Variants in ADPRM observed in about 807,000 individuals in gnomAD.
ADPRM encodes the protein ADP-ribose/CDP-alcohol diphosphatase, manganese dependent.
Under a neutral mutation model 27.2 loss-of-function variants are expected in ADPRM, and 17 were observed. The observed-to-expected ratio is 0.63, with a 90% CI of 0.43 to 0.94. The LOEUF (loss-of-function observed/expected upper bound fraction) is 0.94, where lower values mean the gene tolerates loss of function less well. Among genes scored for constraint, ADPRM ranks in the 40% least tolerant of loss-of-function variants. ADPRM has a pLI of 0.00. For synonymous variants in ADPRM, 135 were observed against 145.3 expected, an observed-to-expected ratio of 0.93 and a Z score of 0.51; for missense variants, 337 against 412.8, an observed-to-expected ratio of 0.82 and a Z score of 1.59.
chr17:10,707,309 G>A (rs1368596812), intron 3 of ADPRM, among the ~76,000 whole-genome samples: 1 of 152,152 alleles, frequency 6.6e-6, no homozygotes, highest in East Asian at 1.9e-4. Flanking sequence ...GGGAGGTGGA[G>A]GTTGCAGTGA....
intron 3 of ADPRM, among the ~76,000 whole-genome samples, chr17:10,708,628 GC>G (rs955298541): frequency 5.3e-5 from 8 of 152,244 alleles, no homozygotes; most frequent in African/African-American, 1.4e-4. Context: ...AGAGATGAGT[GC>G]CCTTGGGTTG....
Position 10,710,871 on chromosome 17 carries a change from G to T in ADPRM, c.756G>T (p.Val252=). The T allele has an allele frequency of 6.2e-7, 1 of 1,614,172 alleles. No individual in the cohort carries two copies. The highest frequency in any genetic ancestry group is 8.5e-7 in the Non-Finnish European group (1 of 1,180,016). The change falls in exon 4 of 4, where the codon GTG becomes GTT. Residue 252 remains valine, a synonymous_variant. Transcript: ENST00000379774. ...TTTACCCGGACGCCTCTGACAATGT[G>T]TGCCTGGCCTGGAACTACAGAGATG... ...LPIYPDASDN[V]CLAWNYRDAL...
chr17:10,698,168 G>C (rs947927839), intron 1 of ADPRM: 27 of 152,464 alleles, frequency 1.8e-4, no homozygotes, highest in African/African-American at 6.5e-4. Context: ...AATTAATAAA[G>C]CATAGCAGTG....
chr17:10,708,591 A>C (rs2074830480), intron 3 of ADPRM, among the ~76,000 whole-genome samples: 1 of 152,176 alleles, frequency 6.6e-6, no homozygotes, highest in Admixed American at 6.5e-5. Context: ...CTAACACTGG[A>C]ATACCAGGTG....
chr17:10,697,940 C>T (rs1392432013), intron 1 of ADPRM: 1 of 180,068 alleles, frequency 5.6e-6, no homozygotes, highest in South Asian at 1.4e-4. Context: ...ATAACCCTAC[C>T]TTGTCTGGCC....
At chr17:10,710,204 C>G (rs2074841943) in intron 3 of ADPRM, among the ~76,000 whole-genome samples, 1 of 152,182 alleles carries the variant, frequency 6.6e-6, no homozygotes, top group Admixed American at 6.5e-5. Flanking sequence ...CGGGTTCAAG[C>G]AGTTCTTCTG....
chr17:10,698,501 G>A (rs1000906559), intron 1 of ADPRM: 6 of 152,084 alleles, frequency 3.9e-5, no homozygotes, highest in Non-Finnish European at 8.8e-5. Flanking sequence ...AAGGAAAATC[G>A]TCCTCTAATT....
In ADPRM at chr17:10,711,202, AAAAT is replaced by A; in HGVS notation, c.*62_*65del. The A allele has an allele frequency of 1.5e-6, 2 of 1,368,916 alleles. No homozygotes were observed. The highest frequency in any genetic ancestry group is 2.0e-6 in the Non-Finnish European group (2 of 1,005,532). 84.8% of individuals were successfully genotyped at this position (1,368,916 alleles called of 1,614,324 possible). A position where few individuals can be genotyped will look rare whatever the true frequency, so the allele number is the denominator to read the frequency against. The stretch of plus-strand genomic sequence containing the variant: ...TTTGTGTTTGTCCCTCCTAAACAAA[AAAAT>A]AAAAATCCTCTGTCTCATTGTTTAG... On this transcript the variant is annotated 3_prime_UTR_variant, in exon 4 of 4. Coordinates refer to ENST00000379774, the MANE Select transcript of ADPRM (RefSeq NM_020233.5).
At chr17:10,706,022 T>C in intron 2 of ADPRM, 1 of 191,060 alleles carries the variant, frequency 5.2e-6, no homozygotes, top group South Asian at 1.0e-4. Flanking sequence ...AGGAGGAGTC[T>C]CCCTTGGAAT....
intron 1 of ADPRM, 130 bp from the exon 2 acceptor site, chr17:10,704,780 G>T: frequency 1.4e-6 from 1 of 714,286 alleles, no homozygotes; most frequent in Non-Finnish European, 2.3e-6. Context: ...GGGCTCTAAA[G>T]CCCACGTACT....
At chr17:10,699,683 C>A (rs1555531515) in intron 1 of ADPRM, among the ~76,000 whole-genome samples, 1 of 151,730 alleles carries the variant, frequency 6.6e-6, no homozygotes, top group Non-Finnish European at 1.5e-5. Context: ...TGCCACCAGG[C>A]CTGTCTAATT....
Position 10,711,238 on chromosome 17 carries a change from G to C in ADPRM, c.*94G>C, listed in dbSNP as rs2074851482. On this transcript the variant is annotated 3_prime_UTR_variant, in exon 4 of 4. Transcript: ENST00000379774. ...CCTCTGTCTCATTGTTTAGTATTCA[G>C]CTTGCATAACAAAATGTATTTATAG... 7 of 962,522 alleles carry C rather than the reference G, an allele frequency of 7.3e-6. No individual in the cohort carries two copies. The South Asian group carries it at 1.2e-4, about 17-fold the overall frequency. The allele number at this position is 962,522 out of a possible 1,614,324, so 59.6% of individuals were successfully genotyped here.
rs138119111 is a variant in ADPRM at position 10,710,007 on chromosome 17, T to A, written c.719-827T>A. Among the ~76,000 whole-genome samples, 82 of 152,344 alleles carry A rather than the reference T, an allele frequency of 5.4e-4. 1 individual carries two copies. The Middle Eastern group carries it at 0.01, about 19-fold the overall frequency. On this transcript the variant is annotated intron_variant, in intron 3 of 3. Transcript: ENST00000379774. ...GGTATGGCTACCTTGATCTCATGAG[T>A]GTTTAAAGTCCCATAAATCAGTTCG...
In ADPRM at chr17:10,706,500, T is replaced by A; in HGVS notation, c.664T>A (p.Leu222Met). 1.3e-6 allele frequency: 2 copies of A among 1,598,368 alleles called. No homozygotes were observed. Among genetic ancestry groups the A allele is most frequent in the Non-Finnish European group, 1.7e-6 (2 of 1,174,918 alleles). ...ATTCAGCCAAGAACAGCTAAACTGGTTGAATGAAGTGCTAACATTCTCTGA... is the reference window on the plus strand; with the variant it reads ...ATTCAGCCAAGAACAGCTAAACTGGATGAATGAAGTGCTAACATTCTCTGA... ...GGFSQEQLNWLNEVLTFSDTN... is the reference protein window; with the variant it reads ...GGFSQEQLNWMNEVLTFSDTN... Residue 222 changes from leucine to methionine, a missense_variant, in exon 3 of 4, where the codon TTG becomes ATG. Transcript: ENST00000379774.
rs765255771 is a variant in ADPRM, at chr17:10,706,516, C to T, written c.680C>T (p.Thr227Ile). 1.1e-5 allele frequency: 18 copies of T among 1,593,482 alleles called. No homozygotes were observed. The South Asian group carries it at 2.0e-4, about 17-fold the overall frequency. Reference sequence around the variant, plus strand: ...CTAAACTGGTTGAATGAAGTGCTAACATTCTCTGACACAAACCAAGAAAAG... The same window carrying T: ...CTAAACTGGTTGAATGAAGTGCTAATATTCTCTGACACAAACCAAGAAAAG... ...EQLNWLNEVL[T>I]FSDTNQEKVV... Residue 227 changes from threonine to isoleucine, a missense_variant, in exon 3 of 4, where the codon ACA becomes ATA. Coordinates refer to ENST00000379774, the MANE Select transcript of ADPRM (RefSeq NM_020233.5).
intron 3 of ADPRM, 77 bp from the exon 4 acceptor site, chr17:10,710,757 C>A: frequency 7.2e-7 from 1 of 1,390,452 alleles, no homozygotes. Context: ...TTTCTGAGTA[C>A]TAGCTTTTAG....
chr17:10,705,424 T>C lies in ADPRM; in HGVS notation c.498T>C (p.Tyr166=). 1 of 1,614,126 alleles carries C rather than the reference T, an allele frequency of 6.2e-7. No homozygotes were observed. Among genetic ancestry groups the C allele is most frequent in the Non-Finnish European group, 8.5e-7 (1 of 1,180,022 alleles). ...TCCGGTTCATTTTACTTGATGCATATGACTTGAGTGTCTTGGGCGTGGATC... is the reference window on the plus strand; with the variant it reads ...TCCGGTTCATTTTACTTGATGCATACGACTTGAGTGTCTTGGGCGTGGATC... ...PKFRFILLDA[Y]DLSVLGVDQS... The change falls in exon 2 of 4, where the codon TAT becomes TAC. Residue 166 remains tyrosine, a synonymous_variant. Coordinates refer to ENST00000379774, the MANE Select transcript of ADPRM (RefSeq NM_020233.5). This position sits in a 1 kb window ranked among gnomAD's most constrained non-coding sequence, Gnocchi z 5.4.
At chr17:10,697,961 ACCTCGTCCTGCCGG>A in intron 1 of ADPRM, 1 of 172,166 alleles carries the variant, frequency 5.8e-6, no homozygotes, top group South Asian at 1.6e-4. Context: ...GACTTTGTCA[ACCTCGTCCTGCCGG>A]CCAAGAGGAA....
rs73974820 is a variant in ADPRM, at chr17:10,711,470, A to C, written c.*326A>C. 0.024 allele frequency among the ~76,000 whole-genome samples: 3,649 copies of C among 152,310 alleles called. 138 individuals are homozygous for C. Among genetic ancestry groups the C allele is most frequent in the African/African-American group, 0.081 (3,377 of 41,548 alleles). On this transcript the variant is annotated 3_prime_UTR_variant, in exon 4 of 4. Transcript: ENST00000379774. ...GAGATTGTATTCACATGTGTTAACT[A>C]TGTAACTTCAAGTTCAGCATATAAG...
Sources: gnomAD v4.1 joint callset for allele counts (sites outside exome capture counted in the v4.1 genomes callset) on GRCh38, gnomAD v4.1.1 for gene constraint, Gnocchi (gnomAD v3.1) non-coding constraint, MANE v1.5 for transcripts, NCBI Gene and HGNC (gene_info 2026-07-23, HGNC 2026-07-21) for gene names.